Variants in KCNU1 observed in about 807,000 individuals in gnomAD.
KCNU1 encodes potassium channel subfamily U member 1.
In KCNU1, 93 loss-of-function variants were observed where a neutral mutation model predicts 126.8. The ratio of observed to expected loss-of-function variants is 0.73; its 90% confidence interval spans 0.62 to 0.87. The LOEUF (loss-of-function observed/expected upper bound fraction) is 0.87. Among genes scored for constraint, KCNU1 ranks in the 40% least tolerant of loss-of-function variants. The pLI is 0.00. For synonymous variants in KCNU1, 523 were observed against 494.2 expected (o/e 1.06, Z -0.77); for missense variants, 1,330 against 1,367.1 (o/e 0.97, Z 0.43).
At chr8:36,857,136 G>A (rs1805554877) in intron 18 of KCNU1, among the ~76,000 whole-genome samples, 1 of 152,186 alleles carries the variant, frequency 6.6e-6, no homozygotes, top group African/African-American at 2.4e-5. Context: ...TTTATGAGTA[G>A]GACACTAGCA....
In KCNU1 at chr8:36,814,217, C is replaced by T; in HGVS notation, c.743C>T (p.Ser248Phe). ...AAGFIHLVEN[S>F]GDPWLKGRNS... ...TCTCTCTTTGGACAGGTGGAAAATT[C>T]TGGTGATCCCTGGCTCAAAGGTAGA... Residue 248 changes from serine to phenylalanine, a missense_variant, in exon 8 of 27, where the codon TCT (serine) becomes TTT (phenylalanine). Transcript: ENST00000399881. The T allele has an allele frequency of 1.2e-6, 2 of 1,613,012 alleles. No homozygotes were observed. Among genetic ancestry groups the T allele is most frequent in the East Asian group, 2.2e-5 (1 of 44,796 alleles).
Position 36,833,619 on chromosome 8 carries a change from C to A in KCNU1, c.1172C>A (p.Ser391Tyr). Residue 391 changes from serine to tyrosine, a missense_variant, in exon 11 of 27, where the codon TCT (serine) becomes TAT (tyrosine). This residue lies in a region of KCNU1 where 1,054 missense variants were observed against 1,053.9 expected (regional missense o/e 1.00). Coordinates refer to ENST00000399881, the MANE Select transcript of KCNU1 (RefSeq NM_001031836.3). ...TACTTGGCCTACACAACGTTCATTT[C>A]TGGATCTGCAATGAAGTGGGAGGAT... is the stretch of plus-strand genomic sequence containing the variant. ...KCYLAYTTFI[S>Y]GSAMKWEDLR... The A allele has an allele frequency of 6.2e-7, 1 of 1,612,340 alleles. No individual in the cohort carries two copies. The highest frequency in any genetic ancestry group is 1.1e-5 in the South Asian group (1 of 91,038).
intron 2 of KCNU1, among the ~76,000 whole-genome samples, chr8:36,793,879 C>T (rs1281541837): frequency 6.6e-6 from 1 of 151,856 alleles, no homozygotes; most frequent in Admixed American, 6.6e-5. Flanking sequence ...CATGGTGAAA[C>T]CCCGTCTCTA....
In KCNU1 at chr8:36,936,107, T is replaced by G; in HGVS notation, c.*187T>G. 2.1e-6 allele frequency: 1 copy of G among 475,868 alleles called. No individual in the cohort carries two copies. The allele number at this position is 475,868 out of a possible 1,614,324, so 29.5% of individuals were successfully genotyped here. On this transcript the variant is annotated 3_prime_UTR_variant, in exon 27 of 27. Coordinates refer to ENST00000399881, the MANE Select transcript of KCNU1 (RefSeq NM_001031836.3). The stretch of plus-strand genomic sequence containing the variant: ...ATGCCACTGGATCTTGTGTGATAAA[T>G]AAAGAAATATATGATCAATGCTTCT...
intron 2 of KCNU1, among the ~76,000 whole-genome samples, chr8:36,803,581 A>C (rs1295081928): frequency 6.6e-6 from 1 of 152,186 alleles, no homozygotes; most frequent in Non-Finnish European, 1.5e-5. Flanking sequence ...TTTTTCTATA[A>C]TATAACCAAC....
At chr8:36,900,428 T>A (rs886796624) in intron 19 of KCNU1, among the ~76,000 whole-genome samples, 2 of 152,036 alleles carry the variant, frequency 1.3e-5, no homozygotes, top group African/African-American at 4.8e-5. Flanking sequence ...TCCAGAAAAA[T>A]TAAATCATAA....
chr8:36,833,210 G>A (rs910778657), intron 10 of KCNU1, among the ~76,000 whole-genome samples: 1 of 151,950 alleles, frequency 6.6e-6, no homozygotes, highest in African/African-American at 2.4e-5. Flanking sequence ...TCTATCAATA[G>A]TTTAAAAAGA....
At chr8:36,805,951 C>T (rs1425926629) in intron 4 of KCNU1, among the ~76,000 whole-genome samples, 1 of 152,150 alleles carries the variant, frequency 6.6e-6, no homozygotes. Flanking sequence ...TCCAGTGGTT[C>T]TCCTGCTTCG....
intron 19 of KCNU1, among the ~76,000 whole-genome samples, chr8:36,893,829 A>T (rs1441966653): frequency 6.6e-6 from 1 of 152,108 alleles, no homozygotes; most frequent in East Asian, 1.9e-4. Context: ...AATAGTGAAT[A>T]TTCAAAGGCC....
intron 10 of KCNU1, among the ~76,000 whole-genome samples, chr8:36,827,226 A>C (rs1427403105): frequency 6.6e-6 from 1 of 152,180 alleles, no homozygotes; most frequent in Non-Finnish European, 1.5e-5. Context: ...CAATGCTTGA[A>C]ACTCTCTGTA....
chr8:36,865,069 G>T (rs1388009345), intron 19 of KCNU1, among the ~76,000 whole-genome samples: 1 of 152,088 alleles, frequency 6.6e-6, no homozygotes, highest in East Asian at 1.9e-4. Flanking sequence ...TAATGAAAAT[G>T]ACTCTGTAAT....
intron 19 of KCNU1, among the ~76,000 whole-genome samples, chr8:36,900,519 A>T (rs1807373542): frequency 6.6e-6 from 1 of 152,030 alleles, no homozygotes; most frequent in Non-Finnish European, 1.5e-5. Context: ...TGTGAGTAGG[A>T]TCAGGTGGGA....
intron 24 of KCNU1, among the ~76,000 whole-genome samples, chr8:36,929,576 C>T (rs996094099): frequency 6.6e-6 from 1 of 151,998 alleles, no homozygotes; most frequent in African/African-American, 2.4e-5. Context: ...CCCATGGAAT[C>T]CCAAAGAAAG....
At chr8:36,845,729 C>T in intron 17 of KCNU1, 60 bp downstream of exon 17, 4 of 1,427,246 alleles carry the variant, frequency 2.8e-6, no homozygotes, top group Non-Finnish European at 4.0e-6. Context: ...ATGGGAGGCC[C>T]ACTGAGTCAG....
chr8:36,833,082 C>G (rs886938722), intron 10 of KCNU1, among the ~76,000 whole-genome samples: 1 of 152,038 alleles, frequency 6.6e-6, no homozygotes, highest in East Asian at 1.9e-4. Flanking sequence ...AGAAAAATAC[C>G]GTTTTGATAA....
rs534346458 is a variant in KCNU1 at position 36,884,555 on chromosome 8, G to A, written c.2009+20034G>A. On this transcript the variant is annotated intron_variant, in intron 19 of 26. Coordinates refer to ENST00000399881, the MANE Select transcript of KCNU1 (RefSeq NM_001031836.3). ...GTTCCAGACCAGTCTGGCCAACATGGTGAAACCATGTCTCTACTAAAAGTA... is the reference window on the plus strand; with the variant it reads ...GTTCCAGACCAGTCTGGCCAACATGATGAAACCATGTCTCTACTAAAAGTA... 1.6e-4 allele frequency among the ~76,000 whole-genome samples: 25 copies of A among 152,138 alleles called. No homozygotes were observed. The South Asian group carries it at 3.5e-3, about 22-fold the overall frequency.
At position 36,935,839 on chromosome 8, in the gene KCNU1, TGACAATGCAAAA is replaced by T. The variant is rs1808839881; in HGVS notation, c.3372_3383del (p.Asp1124_Lys1127del). ...TTATATCATCTCAGATACCTTTAGG[TGACAATGCAAAA>T]GAAAATGAAAGGAAAACTTCAGATG... On this transcript the variant is annotated inframe_deletion, in exon 27 of 27. Transcript: ENST00000399881. 1 of 1,611,870 alleles carries T rather than the reference TGACAATGCAAAA, an allele frequency of 6.2e-7. No homozygotes were observed. Among genetic ancestry groups the T allele is most frequent in the Non-Finnish European group, 8.5e-7 (1 of 1,179,048 alleles).
intron 7 of KCNU1, among the ~76,000 whole-genome samples, chr8:36,811,784 T>C (rs1006099221): frequency 1.3e-5 from 2 of 151,736 alleles, no homozygotes; most frequent in African/African-American, 4.8e-5. Flanking sequence ...ATAGAAAAAT[T>C]AGTCGAGCAT....
intron 16 of KCNU1, among the ~76,000 whole-genome samples, chr8:36,841,574 C>A (rs947820782): frequency 6.6e-6 from 1 of 152,044 alleles, no homozygotes; most frequent in African/African-American, 2.4e-5. Context: ...CCTGGGCCTG[C>A]AATCCCGGCT....
Sources: allele counts gnomAD v4.1 joint callset (sites outside exome capture counted in the v4.1 genomes callset), GRCh38; gene constraint gnomAD v4.1.1; regional missense constraint gnomAD v4.1.1; transcripts MANE v1.5; gene names NCBI Gene and HGNC (gene_info 2026-07-23, HGNC 2026-07-21).